The following DCDC1 variants were observed in gnomAD, a reference collection of about 807,000 sequenced individuals.
The protein encoded by DCDC1 is doublecortin domain-containing protein 1.
Under a neutral mutation model 178.3 loss-of-function variants are expected in DCDC1, and 200 were observed. That is an observed-to-expected ratio of 1.12 (90% CI 1.00 to 1.26). The LOEUF is 1.26. Ranked by LOEUF, DCDC1 falls within the 50% of genes most tolerant of loss-of-function variation. The pLI, the probability that DCDC1 is intolerant of heterozygous loss-of-function variation, is 0.00. For missense variants in DCDC1, 1,983 were observed against 1,749.2 expected (o/e 1.13, Z -2.38); for synonymous variants, 690 against 604.8 (o/e 1.14, Z -2.07).
intron 21 of DCDC1, among the ~76,000 whole-genome samples, chr11:30,948,763 C>T (rs1948221040): frequency 6.6e-6 from 1 of 152,120 alleles, no homozygotes; most frequent in African/African-American, 2.4e-5. Context: ...GAAAGGATTC[C>T]CTATTTAATA....
intron 18 of DCDC1, among the ~76,000 whole-genome samples, chr11:31,067,432 G>A (rs1309606358): frequency 6.6e-6 from 1 of 152,050 alleles, no homozygotes; most frequent in African/African-American, 2.4e-5. Context: ...AAATCAAAAT[G>A]ACAGAGAATA....
chr11:31,165,736 C>T (rs1966728601), intron 9 of DCDC1, among the ~76,000 whole-genome samples: 1 of 151,982 alleles, frequency 6.6e-6, no homozygotes, highest in Admixed American at 6.6e-5. Context: ...GGCATTATCC[C>T]CTTGTTTTTC....
At chr11:31,115,521 G>GGTGTACT (rs1959761521) in intron 11 of DCDC1, among the ~76,000 whole-genome samples, 1 of 152,108 alleles carries the variant, frequency 6.6e-6, no homozygotes, top group Admixed American at 6.6e-5. Context: ...AAGTTGGTTG[G>GGTGTACT]GTGTACTGTA....
chr11:31,366,600 T>C (rs943776637), intron 1 of DCDC1, among the ~76,000 whole-genome samples: 2 of 152,174 alleles, frequency 1.3e-5, no homozygotes, highest in Non-Finnish European at 2.9e-5. Flanking sequence ...TAGGGTGTTA[T>C]AAGTAAGGAG....
rs562220989 is a variant in DCDC1 at position 31,129,735 on chromosome 11, C to T, written c.1315-2096G>A. Among the ~76,000 whole-genome samples the T allele has an allele frequency of 7.9e-5, 12 of 152,074 alleles. No individual in the cohort carries two copies. The East Asian group carries it at 9.7e-4, about 12-fold the overall frequency. On this transcript the variant is annotated intron_variant, in intron 10 of 38. Coordinates refer to ENST00000684477, the MANE Select transcript of DCDC1 (RefSeq NM_001387274.1). ...TTGGATTAACAAAATACCTACTAAG[C>T]GGTCTCCCTGTTCCCATCTCTTCCC...
At chr11:30,915,063 A>G (rs1322521623) in intron 27 of DCDC1, among the ~76,000 whole-genome samples, 2 of 152,186 alleles carry the variant, frequency 1.3e-5, no homozygotes, top group Non-Finnish European at 2.9e-5. Flanking sequence ...GTGAGTGGAA[A>G]CCACAAACTG....
intron 20 of DCDC1, among the ~76,000 whole-genome samples, chr11:30,988,729 CA>C (rs1047109827): frequency 1.3e-5 from 2 of 151,948 alleles, no homozygotes; most frequent in Admixed American, 6.6e-5. Context: ...AAAAAAAACG[CA>C]AAAAAATCTT....
rs77212459 is a variant in DCDC1 at position 31,259,785 on chromosome 11, G to T, written c.1054+5722C>A. Among the ~76,000 whole-genome samples the T allele has an allele frequency of 8.7e-3, 1,330 of 152,280 alleles. 17 individuals are homozygous for T. The highest frequency in any genetic ancestry group is 0.03 in the African/African-American group (1,233 of 41,550). ...CACAGGTCATAGAGCCTGGTCAACA[G>T]CTTGGGCCGTCTGGCATCTTGGAAA... On this transcript the variant is annotated intron_variant, in intron 8 of 38. Transcript: ENST00000684477.
intron 9 of DCDC1, among the ~76,000 whole-genome samples, chr11:31,181,019 C>T (rs528560496): frequency 6.6e-6 from 1 of 152,116 alleles, no homozygotes; most frequent in Non-Finnish European, 1.5e-5. Flanking sequence ...GATGCTCAAG[C>T]TTGGTGGGGT....
intron 6 of DCDC1, among the ~76,000 whole-genome samples, chr11:31,298,598 T>C (rs561842028): frequency 6.6e-6 from 1 of 152,214 alleles, no homozygotes; most frequent in Admixed American, 6.5e-5. Flanking sequence ...TTTTATTTGA[T>C]AGAATCCATG....
chr11:31,350,281 A>G (rs140985440), intron 1 of DCDC1, among the ~76,000 whole-genome samples: 33 of 152,228 alleles, frequency 2.2e-4, no homozygotes, highest in African/African-American at 7.2e-4. Flanking sequence ...TAATTATTCA[A>G]TTTTTAAAAA....
intron 9 of DCDC1, among the ~76,000 whole-genome samples, chr11:31,218,275 C>T (rs1215487762): frequency 6.6e-6 from 1 of 151,998 alleles, no homozygotes. Context: ...ATTGATAATA[C>T]ACATTGGTAT....
intron 1 of DCDC1, among the ~76,000 whole-genome samples, chr11:31,365,948 T>C (rs200122638): frequency 1.3e-5 from 2 of 152,172 alleles, no homozygotes; most frequent in Admixed American, 1.3e-4. Context: ...CCTAAAATAC[T>C]GTTATGAATG....
intron 17 of DCDC1, among the ~76,000 whole-genome samples, chr11:31,085,210 A>T (rs569065979): frequency 7.9e-5 from 12 of 151,486 alleles, no homozygotes; most frequent in African/African-American, 2.9e-4. Context: ...AATAATTGAC[A>T]TACAGTATTG....
intron 17 of DCDC1, among the ~76,000 whole-genome samples, chr11:31,088,324 C>T (rs1431167085): frequency 6.6e-6 from 1 of 151,962 alleles, no homozygotes; most frequent in Non-Finnish European, 1.5e-5. Context: ...ATTATTGATA[C>T]ACGTGGCTTT....
At chr11:30,980,671 G>A (rs1321433598) in intron 20 of DCDC1, among the ~76,000 whole-genome samples, 2 of 152,100 alleles carry the variant, frequency 1.3e-5, no homozygotes, top group African/African-American at 4.8e-5. Context: ...TAAATAAATA[G>A]GTGGATCAAT....
intron 9 of DCDC1, among the ~76,000 whole-genome samples, chr11:31,154,835 C>G (rs1965555888): frequency 6.6e-6 from 1 of 152,158 alleles, no homozygotes; most frequent in Non-Finnish European, 1.5e-5. Context: ...CTGGCTCCGT[C>G]CTCTCTGGAG....
Position 31,213,100 on chromosome 11 carries a change from C to CCT in DCDC1, c.1221+28348_1221+28349dup, listed in dbSNP as rs71060480. 2.9e-3 allele frequency among the ~76,000 whole-genome samples: 128 copies of CCT among 44,246 alleles called. 3 individuals are homozygous for CCT. The highest frequency in any genetic ancestry group is 3.7e-3 in the Admixed American group (14 of 3,776). 29.0% of individuals were successfully genotyped at this position (44,246 alleles called of 152,430 possible). A position where few individuals can be genotyped will look rare whatever the true frequency, so the allele number is the denominator to read the frequency against. ...GTGTCATCTTCTATATAAAGCCCAGCCTCTCTCTCTCTCTCTCTCTCTCTC... is the reference window on the plus strand; with the variant it reads ...GTGTCATCTTCTATATAAAGCCCAGCCTCTCTCTCTCTCTCTCTCTCTCTCTC... On this transcript the variant is annotated intron_variant, in intron 9 of 38. Transcript: ENST00000684477.
intron 9 of DCDC1, among the ~76,000 whole-genome samples, chr11:31,220,341 A>G (rs971271200): frequency 6.6e-6 from 1 of 152,216 alleles, no homozygotes; most frequent in Admixed American, 6.5e-5. Context: ...TTGATACTTA[A>G]TACTAAATGT....
Sources: gnomAD v4.1 joint callset for allele counts (sites outside exome capture counted in the v4.1 genomes callset) on GRCh38, gnomAD v4.1.1 for gene constraint, MANE v1.5 for transcripts, NCBI Gene and HGNC (gene_info 2026-07-23, HGNC 2026-07-21) for gene names.